Variants in SLC8A1 observed in about 807,000 individuals in gnomAD.
SLC8A1 encodes sodium/calcium exchanger 1.
Under a neutral mutation model 68.3 loss-of-function variants are expected in SLC8A1, and 18 were observed. The observed-to-expected ratio is 0.26, with a 90% CI of 0.18 to 0.39. The LOEUF (loss-of-function observed/expected upper bound fraction) is 0.39, where lower values mean the gene tolerates loss of function less well. Ranked by LOEUF, SLC8A1 falls within the 10% of genes least tolerant of loss-of-function variation. The pLI is 1.00. For missense variants in SLC8A1, 985 were observed against 1,156.7 expected (o/e 0.85, Z 2.15); for synonymous variants, 475 against 415.5 (o/e 1.14, Z -1.74).
At chr2:40,308,388 T>C (rs2073057129) in intron 2 of SLC8A1, among the ~76,000 whole-genome samples, 1 of 152,130 alleles carries the variant, frequency 6.6e-6, no homozygotes, top group Non-Finnish European at 1.5e-5. Flanking sequence ...ACTTTTCAGA[T>C]CTGATTCGAG....
chr2:40,306,972 GT>G (rs1301221627), intron 2 of SLC8A1, among the ~76,000 whole-genome samples: 1 of 151,870 alleles, frequency 6.6e-6, no homozygotes, highest in Non-Finnish European at 1.5e-5. Context: ...TAGTCCATAA[GT>G]TGAAAAAAAT....
intron 2 of SLC8A1, among the ~76,000 whole-genome samples, chr2:40,418,325 T>C (rs758650031): frequency 7.2e-5 from 11 of 152,122 alleles, no homozygotes; most frequent in Non-Finnish European, 1.6e-4. Flanking sequence ...GTAGGTCAGA[T>C]AAATTACTTC....
intron 2 of SLC8A1, among the ~76,000 whole-genome samples, chr2:40,357,466 C>T (rs370992951): frequency 2.0e-5 from 3 of 147,096 alleles, no homozygotes; most frequent in Admixed American, 6.9e-5. Context: ...CACTGCATGC[C>T]GGCCTGGGCA....
intron 1 of SLC8A1, among the ~76,000 whole-genome samples, chr2:40,480,070 C>T (rs1188232342): frequency 6.6e-6 from 1 of 151,964 alleles, no homozygotes; most frequent in Non-Finnish European, 1.5e-5. Context: ...AAACAGTGCA[C>T]GTTTATTGTT....
intron 2 of SLC8A1, among the ~76,000 whole-genome samples, chr2:40,392,151 A>G (rs911337704): frequency 3.3e-5 from 5 of 151,922 alleles, no homozygotes; most frequent in African/African-American, 1.2e-4. Flanking sequence ...TGAAAAATAA[A>G]AGAAAGAAAA....
At chr2:40,480,654 G>A (rs1057460878) in intron 1 of SLC8A1, among the ~76,000 whole-genome samples, 1 of 152,144 alleles carries the variant, frequency 6.6e-6, no homozygotes, top group South Asian at 2.1e-4. Context: ...GCTGAATCCT[G>A]ACCAAAATTT....
chr2:40,479,014 C>T (rs373753744), intron 1 of SLC8A1, among the ~76,000 whole-genome samples: 3 of 152,066 alleles, frequency 2.0e-5, no homozygotes, highest in Admixed American at 6.6e-5. Context: ...GCAGGTGATC[C>T]GCCTGCCTCG....
At chr2:40,392,291 T>A (rs551379108) in intron 2 of SLC8A1, among the ~76,000 whole-genome samples, 2 of 152,054 alleles carry the variant, frequency 1.3e-5, no homozygotes, top group South Asian at 4.2e-4. Context: ...CCTAAAGATC[T>A]TTATCATCAC....
chr2:40,372,532 G>A (rs944137914), intron 2 of SLC8A1, among the ~76,000 whole-genome samples: 1 of 152,066 alleles, frequency 6.6e-6, no homozygotes, highest in African/African-American at 2.4e-5. Flanking sequence ...TATTCTGTGG[G>A]CTTGACCGCC....
At chr2:40,410,500 G>A (rs757547089) in intron 2 of SLC8A1, among the ~76,000 whole-genome samples, 11 of 151,856 alleles carry the variant, frequency 7.2e-5, no homozygotes, top group East Asian at 1.9e-4. Context: ...AAATATTTCC[G>A]GGGAAAAACA....
intron 1 of SLC8A1, among the ~76,000 whole-genome samples, chr2:40,434,005 C>G (rs984596160): frequency 6.6e-6 from 1 of 152,176 alleles, no homozygotes; most frequent in Non-Finnish European, 1.5e-5. Flanking sequence ...GCCCTTCAAT[C>G]TGGTCTTTTA....
At chr2:40,377,257 G>C (rs1243339645) in intron 2 of SLC8A1, among the ~76,000 whole-genome samples, 3 of 152,122 alleles carry the variant, frequency 2.0e-5, no homozygotes, top group South Asian at 2.1e-4. Context: ...CCACCATGAA[G>C]TCTATGGATT....
chr2:40,494,915 C>T (rs1226869229), intron 1 of SLC8A1, among the ~76,000 whole-genome samples: 1 of 150,556 alleles, frequency 6.6e-6, no homozygotes, highest in Non-Finnish European at 1.5e-5. Flanking sequence ...CTTATTTGCC[C>T]CTATAACCCT....
chr2:40,362,085 G>T (rs750604615), intron 2 of SLC8A1, among the ~76,000 whole-genome samples: 5 of 151,246 alleles, frequency 3.3e-5, no homozygotes, highest in Non-Finnish European at 7.4e-5. Context: ...AGTAGAGATG[G>T]GGTTTCACCA....
At chr2:40,389,566 T>G (rs1684638960) in intron 2 of SLC8A1, among the ~76,000 whole-genome samples, 1 of 151,892 alleles carries the variant, frequency 6.6e-6, no homozygotes, top group South Asian at 2.1e-4. Flanking sequence ...GTCTACCACT[T>G]AGACTACTTT....
At chr2:40,172,541 T>A (rs887149113) in intron 4 of SLC8A1, among the ~76,000 whole-genome samples, 5 of 152,094 alleles carry the variant, frequency 3.3e-5, no homozygotes, top group Admixed American at 2.0e-4. Flanking sequence ...ATCAGACAGA[T>A]ATTATAGAAT....
intron 1 of SLC8A1, among the ~76,000 whole-genome samples, 157 bp downstream of exon 1, chr2:40,451,737 TCACACACACA>T (rs756970142): frequency 0.05 from 6,739 of 133,702 alleles, 269 homozygotes; most frequent in African/African-American, 0.12. Context: ...ACACACCACA[TCACACACACA>T]CACACACACA....
At chr2:40,424,006 A>G (rs1326805176) in intron 2 of SLC8A1, among the ~76,000 whole-genome samples, 1 of 151,940 alleles carries the variant, frequency 6.6e-6, no homozygotes, top group Non-Finnish European at 1.5e-5. Context: ...ACATTAATAC[A>G]TTACCTAGGA....
At chr2:40,488,082 T>G (rs1705084589) in intron 1 of SLC8A1, among the ~76,000 whole-genome samples, 1 of 152,026 alleles carries the variant, frequency 6.6e-6, no homozygotes, top group African/African-American at 2.4e-5. Context: ...GAGTAAAAGT[T>G]TACCCTTTTA....
Sources: allele counts gnomAD v4.1 joint callset (sites outside exome capture counted in the v4.1 genomes callset), GRCh38; gene constraint gnomAD v4.1.1; transcripts MANE v1.5; gene names NCBI Gene and HGNC (gene_info 2026-07-23, HGNC 2026-07-21).